The following PIK3R3 variants were observed in gnomAD, a reference collection of about 807,000 sequenced individuals.
The protein encoded by PIK3R3 is phosphoinositide-3-kinase regulatory subunit 3, also known as phosphatidylinositol 3-kinase regulatory subunit gamma.
Under a neutral mutation model 62.9 loss-of-function variants are expected in PIK3R3, and 64 were observed. That is an observed-to-expected ratio of 1.02 (90% CI 0.83 to 1.25). The LOEUF (loss-of-function observed/expected upper bound fraction) is 1.25. Among genes scored for constraint, PIK3R3 ranks in the 50% most tolerant of loss-of-function variants. The pLI is 0.00. For missense variants in PIK3R3, 614 were observed against 561.6 expected (o/e 1.09, Z -0.94); for synonymous variants, 165 against 189.0 (o/e 0.87, Z 1.04).
At chr1:46,082,595 T>G (rs375947724) in intron 1 of PIK3R3, among the ~76,000 whole-genome samples, 1 of 152,232 alleles carries the variant, frequency 6.6e-6, no homozygotes, top group South Asian at 2.1e-4. Flanking sequence ...ACACACAACA[T>G]GGTCATCATA....
chr1:46,082,425 C>G lies in PIK3R3; in HGVS notation c.107-1675G>C, dbSNP rs188903245. Among the ~76,000 whole-genome samples the G allele has an allele frequency of 4.6e-4, 70 of 152,298 alleles. No individual in the cohort carries two copies. The South Asian group carries it at 7.0e-3, about 15-fold the overall frequency. The stretch of plus-strand genomic sequence containing the variant: ...TGACAATTAAATGCAATGTGTAATT[C>G]TGGACTGGATATTTTTTGCTATTAA... On this transcript the variant is annotated intron_variant, in intron 1 of 9. Transcript: ENST00000262741.
In PIK3R3 at chr1:46,052,336, G is replaced by A. The variant is rs547108583; in HGVS notation, c.941+3459C>T. Among the ~76,000 whole-genome samples, 9 of 152,116 alleles carry A rather than the reference G, an allele frequency of 5.9e-5. No individual in the cohort carries two copies. The East Asian group carries it at 7.7e-4, about 13-fold the overall frequency. Reference sequence around the variant, plus strand: ...GTAAGCAAAACCATGGACCAAGGGGGACTACAATACCAAAAAAGGTAAATG... The same window carrying A: ...GTAAGCAAAACCATGGACCAAGGGGAACTACAATACCAAAAAAGGTAAATG... On this transcript the variant is annotated intron_variant, in intron 7 of 9. Coordinates refer to ENST00000262741, the MANE Select transcript of PIK3R3 (RefSeq NM_003629.4).
chr1:46,157,195 G>A, the PIK3R3 span, among the ~76,000 whole-genome samples: 1 of 152,174 alleles, frequency 6.6e-6, no homozygotes, highest in African/African-American at 2.4e-5. Context: ...GTGCAGTGGT[G>A]TAACCTCAGC....
At chr1:46,154,516 C>A in the PIK3R3 span, among the ~76,000 whole-genome samples, 1 of 152,102 alleles carries the variant, frequency 6.6e-6, no homozygotes, top group Non-Finnish European at 1.5e-5. Flanking sequence ...CTGCAGTGAG[C>A]CATAGTCATG....
At chr1:46,132,663 G>A (rs1489680331), upstream of PIK3R3, 4 of 1,289,566 alleles carry the variant, frequency 3.1e-6, no homozygotes, top group Admixed American at 2.3e-5. Context: ...TTTTAACGGC[G>A]CGGAGGGGAC....
intron 1 of PIK3R3, among the ~76,000 whole-genome samples, chr1:46,112,183 G>T (rs992300137): frequency 3.3e-5 from 5 of 152,042 alleles, no homozygotes; most frequent in African/African-American, 1.2e-4. Flanking sequence ...ATTGTTTTTG[G>T]TTTTTTATAA....
At chr1:46,114,769 TAA>T (rs56851311) in intron 1 of PIK3R3, among the ~76,000 whole-genome samples, 1 of 86,984 alleles carries the variant, frequency 1.1e-5, no homozygotes, top group African/African-American at 4.4e-5. Context: ...CAAGCCTCAC[TAA>T]TTTTTTTTTT....
At chr1:46,096,251 C>T (rs994074243) in intron 1 of PIK3R3, among the ~76,000 whole-genome samples, 4 of 152,220 alleles carry the variant, frequency 2.6e-5, no homozygotes, top group Non-Finnish European at 5.9e-5. Flanking sequence ...CCTTTTCACA[C>T]ACTACTAATC....
chr1:46,093,733 T>C (rs1477469181), intron 1 of PIK3R3, among the ~76,000 whole-genome samples: 1 of 151,632 alleles, frequency 6.6e-6, no homozygotes, highest in Non-Finnish European at 1.5e-5. Flanking sequence ...CAGGTGCCTG[T>C]AATCCCAGCT....
intron 1 of PIK3R3, among the ~76,000 whole-genome samples, chr1:46,094,728 T>G (rs1172028095): frequency 6.6e-6 from 1 of 152,228 alleles, no homozygotes; most frequent in Non-Finnish European, 1.5e-5. Flanking sequence ...TTAGTAACAC[T>G]AACCCCTTCC....
At chr1:46,164,931 C>T in the PIK3R3 span, among the ~76,000 whole-genome samples, 1 of 151,996 alleles carries the variant, frequency 6.6e-6, no homozygotes, top group Non-Finnish European at 1.5e-5. Context: ...AACTCCTGGG[C>T]TCACAGTATC....
At chr1:46,054,076 T>C (rs1281345093) in intron 7 of PIK3R3, among the ~76,000 whole-genome samples, 1 of 152,106 alleles carries the variant, frequency 6.6e-6, no homozygotes, top group African/African-American at 2.4e-5. Context: ...CAGCATGGTG[T>C]AGTTGTAATT....
the PIK3R3 span, among the ~76,000 whole-genome samples, chr1:46,140,835 G>GTTTTTTGT: frequency 9.9e-5 from 15 of 151,714 alleles, no homozygotes; most frequent in East Asian, 2.9e-3. Flanking sequence ...TTTGTTCTTT[G>GTTTTTTGT]TTTTTTGTTT....
At chr1:46,171,757 G>A in the PIK3R3 span, among the ~76,000 whole-genome samples, 1 of 152,152 alleles carries the variant, frequency 6.6e-6, no homozygotes, top group Non-Finnish European at 1.5e-5. Flanking sequence ...CGGAGCCACA[G>A]AGGCGAAGAG....
intron 6 of PIK3R3, among the ~76,000 whole-genome samples, chr1:46,059,846 T>C (rs1648304985): frequency 6.6e-6 from 1 of 152,144 alleles, no homozygotes; most frequent in Non-Finnish European, 1.5e-5. Flanking sequence ...ATGCCTGTAA[T>C]CCCAGCACTT....
At chr1:46,169,932 C>T in the PIK3R3 span, among the ~76,000 whole-genome samples, 1 of 152,134 alleles carries the variant, frequency 6.6e-6, no homozygotes, top group Non-Finnish European at 1.5e-5. Context: ...TTGGCTCCTT[C>T]TATAGAGATG....
At chr1:46,125,951 A>C (rs814168) in intron 1 of PIK3R3, among the ~76,000 whole-genome samples, 1 of 151,538 alleles carries the variant, frequency 6.6e-6, no homozygotes, top group Non-Finnish European at 1.5e-5. Flanking sequence ...TAGTAGAGAT[A>C]GGGTTTCACC....
In PIK3R3 at chr1:46,071,730, T is replaced by TAGAGAGAG. The variant is rs140765040; in HGVS notation, c.315-4647_315-4640dup. On this transcript the variant is annotated intron_variant, in intron 3 of 9. Coordinates refer to ENST00000262741, the MANE Select transcript of PIK3R3 (RefSeq NM_003629.4). ...AAAAAAAAATATATATATATATATA[T>TAGAGAGAG]AGAGAGAGAGAGAGAGAGAGAGAGA... Among the ~76,000 whole-genome samples the TAGAGAGAG allele has an allele frequency of 1.6e-3, 93 of 59,056 alleles. 1 individual carries two copies. Among genetic ancestry groups the TAGAGAGAG allele is most frequent in the African/African-American group, 7.0e-3 (89 of 12,676 alleles). The allele number at this position is 59,056 out of a possible 152,430, so 38.7% of individuals were successfully genotyped here.
At chr1:46,144,642 C>T in the PIK3R3 span, among the ~76,000 whole-genome samples, 2 of 152,116 alleles carry the variant, frequency 1.3e-5, no homozygotes, top group African/African-American at 2.4e-5. Flanking sequence ...GTGGCACGCA[C>T]CTGTAGTCCC....
Sources: gnomAD v4.1 joint callset for allele counts (sites outside exome capture counted in the v4.1 genomes callset) on GRCh38, gnomAD v4.1.1 for gene constraint, MANE v1.5 for transcripts, NCBI Gene and HGNC (gene_info 2026-07-23, HGNC 2026-07-21) for gene names.